The following WDFY3 variants were observed in gnomAD, a reference collection of about 807,000 sequenced individuals.
WDFY3 encodes WD repeat and FYVE domain containing 3, also known as WD repeat and FYVE domain-containing protein 3.
A neutral mutation model predicts 409.6 loss-of-function variants in WDFY3; 66 were observed. The ratio of observed to expected loss-of-function variants is 0.16; its 90% CI spans 0.13 to 0.20. WDFY3 has a LOEUF of 0.20. Ranked by LOEUF, WDFY3 falls within the 10% of genes least tolerant of loss-of-function variation. The pLI, the probability that WDFY3 is intolerant of heterozygous loss-of-function variation, is 1.00. For synonymous variants in WDFY3, 1,521 were observed against 1,537.1 expected (o/e 0.99, Z 0.25); for missense variants, 3,031 against 4,298.1 (o/e 0.71, Z 8.24).
intron 15 of WDFY3, among the ~76,000 whole-genome samples, chr4:84,807,083 G>A (rs537521664): frequency 5.9e-5 from 9 of 152,126 alleles, no homozygotes; most frequent in African/African-American, 2.2e-4. Context: ...ACTACTAATT[G>A]AAATTATTTC....
In WDFY3 at chr4:84,755,337, A is replaced by G. The variant is rs1196380250; in HGVS notation, c.5488T>C (p.Ser1830Pro). The G allele has an allele frequency of 1.9e-6, 3 of 1,612,562 alleles. No individual in the cohort carries two copies. Among genetic ancestry groups the G allele is most frequent in the Non-Finnish European group, 2.5e-6 (3 of 1,179,704 alleles). The change falls in exon 34 of 68, where the codon TCT (serine) becomes CCT (proline). Residue 1830 changes from serine (S) to proline (P), a missense_variant. By Grantham distance (74) the Ser-to-Pro change is moderately conservative (BLOSUM62 -1). Coordinates refer to ENST00000295888, the MANE Select transcript of WDFY3 (RefSeq NM_014991.6). The stretch of plus-strand genomic sequence containing the variant: ...TCTGTGCATACGTTATGGATAGAAG[A>G]GACCACAGTTCCGCTGGAGGCAGGA... ...GVPASSGTVV[S>P]SIHNVCTEAV...
At chr4:84,896,085 G>A (rs1001906910) in intron 3 of WDFY3, among the ~76,000 whole-genome samples, 5 of 151,726 alleles carry the variant, frequency 3.3e-5, no homozygotes, top group East Asian at 1.9e-4. Flanking sequence ...GTGAAACCCC[G>A]TCTCTACTAA....
chr4:84,775,158 T>C lies in WDFY3; in HGVS notation c.4519-20A>G, dbSNP rs1745334986. 2 of 1,605,440 alleles carry C rather than the reference T, an allele frequency of 1.2e-6. No homozygotes were observed. The highest frequency in any genetic ancestry group is 1.7e-6 in the Non-Finnish European group (2 of 1,175,712). On this transcript the variant is annotated intron_variant, in intron 27 of 67. Coordinates refer to ENST00000295888, the MANE Select transcript of WDFY3 (RefSeq NM_014991.6). ...CCAGACCTATAATAAATAAAAACAGTAGTATATTTAAGGTTAAAAAAAATG... is the reference window on the plus strand; with the variant it reads ...CCAGACCTATAATAAATAAAAACAGCAGTATATTTAAGGTTAAAAAAAATG...
chr4:84,879,092 A>C (rs1008784510), intron 3 of WDFY3, among the ~76,000 whole-genome samples: 1 of 152,178 alleles, frequency 6.6e-6, no homozygotes, highest in Non-Finnish European at 1.5e-5. Flanking sequence ...AAACTTTTGC[A>C]AGGTATAAAA....
At chr4:84,905,853 C>T (rs1449368583) in intron 2 of WDFY3, among the ~76,000 whole-genome samples, 1 of 152,170 alleles carries the variant, frequency 6.6e-6, no homozygotes, top group Non-Finnish European at 1.5e-5. Flanking sequence ...AGGGTCTTCC[C>T]TTCTTCCTGT....
Position 84,752,766 on chromosome 4 carries a change from T to C in WDFY3, c.5739+931A>G, listed in dbSNP as rs545240004. On this transcript the variant is annotated intron_variant, in intron 35 of 67. Transcript: ENST00000295888. Reference sequence around the variant, plus strand: ...CATTTATCCCAGGTCCTAGAGTATATGGTGGAAATATGAAGAAACATCATG... The same window carrying C: ...CATTTATCCCAGGTCCTAGAGTATACGGTGGAAATATGAAGAAACATCATG... Among the ~76,000 whole-genome samples, 3 of 152,244 alleles carry C rather than the reference T, an allele frequency of 2.0e-5. No individual in the cohort carries two copies. In the East Asian group the frequency reaches 5.8e-4, roughly 29 times the overall value.
intron 2 of WDFY3, among the ~76,000 whole-genome samples, chr4:84,909,017 C>T (rs532531606): frequency 6.6e-5 from 10 of 151,494 alleles, no homozygotes; most frequent in South Asian, 6.3e-4. Flanking sequence ...TCTATTCCTA[C>T]GCACGTATCC....
intron 13 of WDFY3, among the ~76,000 whole-genome samples, chr4:84,815,162 C>T (rs1352998000): frequency 6.6e-6 from 1 of 152,072 alleles, no homozygotes; most frequent in Non-Finnish European, 1.5e-5. Flanking sequence ...GAGATCGGGT[C>T]ACAAGGGCCT....
intron 44 of WDFY3, among the ~76,000 whole-genome samples, chr4:84,732,213 T>C (rs568411928): frequency 2.0e-5 from 3 of 152,138 alleles, no homozygotes; most frequent in Non-Finnish European, 4.4e-5. Flanking sequence ...AAAATCTTAA[T>C]AACTATCAGC....
intron 51 of WDFY3, 47 bp downstream of exon 51, chr4:84,713,112 C>A: frequency 6.3e-7 from 1 of 1,586,850 alleles, no homozygotes; most frequent in Non-Finnish European, 8.7e-7. Context: ...TATGAATCAT[C>A]CCAACTTCAC....
chr4:84,774,036 A>G (rs1578455288), intron 29 of WDFY3, among the ~76,000 whole-genome samples: 1 of 152,198 alleles, frequency 6.6e-6, no homozygotes, highest in East Asian at 1.9e-4. Flanking sequence ...GTTTAAAAAT[A>G]TGTTTTGAAG....
At chr4:84,797,492 A>G (rs1425183723) in intron 18 of WDFY3, among the ~76,000 whole-genome samples, 3 of 152,110 alleles carry the variant, frequency 2.0e-5, no homozygotes, top group African/African-American at 7.2e-5. Context: ...GATATTTCAA[A>G]TATTCTCTTA....
At chr4:84,910,174 G>C (rs1214085241) in intron 2 of WDFY3, among the ~76,000 whole-genome samples, 9 of 151,978 alleles carry the variant, frequency 5.9e-5, no homozygotes, top group Non-Finnish European at 1.3e-4. Context: ...ATTGTATTCG[G>C]TATTATAAGT....
At chr4:84,704,222 G>A in intron 55 of WDFY3, 116 bp downstream of exon 55, 1 of 718,334 alleles carries the variant, frequency 1.4e-6, no homozygotes, top group East Asian at 3.0e-5. Flanking sequence ...TAACTACTTT[G>A]TCACTAAAAT....
chr4:84,956,741 C>T (rs1487437511), intron 1 of WDFY3, among the ~76,000 whole-genome samples: 2 of 152,060 alleles, frequency 1.3e-5, no homozygotes, highest in Admixed American at 1.3e-4. Flanking sequence ...GTTGTCTTTA[C>T]TAAGTAGGGC....
chr4:84,905,213 G>A (rs1766882809), intron 2 of WDFY3, among the ~76,000 whole-genome samples: 1 of 152,180 alleles, frequency 6.6e-6, no homozygotes, highest in African/African-American at 2.4e-5. Context: ...GCGTGTGCCT[G>A]TAATCCCAGC....
At chr4:84,755,579 T>C (rs1440946749) in intron 33 of WDFY3, among the ~76,000 whole-genome samples, 179 bp from the exon 34 acceptor site, 1 of 152,204 alleles carries the variant, frequency 6.6e-6, no homozygotes, top group Non-Finnish European at 1.5e-5. Flanking sequence ...CTCATTTTTA[T>C]AGATATAAAA....
At chr4:84,817,042 C>A (rs1034238801) in intron 13 of WDFY3, among the ~76,000 whole-genome samples, 11 of 151,960 alleles carry the variant, frequency 7.2e-5, no homozygotes, top group Admixed American at 7.2e-4. Context: ...GTATAAAATG[C>A]CAAATCTAAC....
chr4:84,756,741 AAT>A (rs1223452469), intron 33 of WDFY3, among the ~76,000 whole-genome samples, 183 bp downstream of exon 33: 1 of 152,110 alleles, frequency 6.6e-6, no homozygotes, highest in African/African-American at 2.4e-5. Flanking sequence ...AAAAATTGTA[AAT>A]AGGGACAAAG....
Sources: gnomAD v4.1 joint callset for allele counts (sites outside exome capture counted in the v4.1 genomes callset) on GRCh38, gnomAD v4.1.1 for gene constraint, MANE v1.5 for transcripts, NCBI Gene and HGNC (gene_info 2026-07-23, HGNC 2026-07-21) for gene names.